TSHR: variants seen among roughly 807,000 people sequenced by gnomAD.
The protein encoded by TSHR is thyroid stimulating hormone receptor, also known as thyrotropin receptor.
TSHR carries 51 observed loss-of-function variants against 64.1 expected under a neutral mutation model. The observed-to-expected ratio is 0.80, with a 90% CI of 0.64 to 1.01. The LOEUF is 1.01. Ranked by LOEUF, TSHR falls within the 50% of genes least tolerant of loss-of-function variation. The pLI is 0.00. For synonymous variants in TSHR, 361 were observed against 361.9 expected (o/e 1.00, Z 0.03); for missense variants, 877 against 942.8 (o/e 0.93, Z 0.91).
At chr14:81,121,532 A>C (rs1380556000) in intron 8 of TSHR, among the ~76,000 whole-genome samples, 2 of 152,230 alleles carry the variant, frequency 1.3e-5, no homozygotes, top group Non-Finnish European at 2.9e-5. Context: ...CAACACAGGA[A>C]AGAAGCAAAT....
intron 3 of TSHR, among the ~76,000 whole-genome samples, chr14:81,071,003 T>C (rs1235184642): frequency 6.6e-6 from 1 of 152,188 alleles, no homozygotes; most frequent in Non-Finnish European, 1.5e-5. Context: ...GAACCTTGAC[T>C]GCACAAAATG....
chr14:81,013,235 A>G (rs1890015274), intron 1 of TSHR: 2 of 152,182 alleles, frequency 1.3e-5, no homozygotes, highest in African/African-American at 4.8e-5. Context: ...CAGGTTTGTC[A>G]AAGATCAGAT....
chr14:81,073,949 T>C (rs996687443), intron 3 of TSHR, among the ~76,000 whole-genome samples: 17 of 152,248 alleles, frequency 1.1e-4, no homozygotes, highest in African/African-American at 4.1e-4. Flanking sequence ...TCACCAAAAA[T>C]AAAAGCAATT....
In TSHR at chr14:81,096,923, G is replaced by GGTGTGTGTGT. The variant is rs147149121; in HGVS notation, c.614+237_614+246dup. Among the ~76,000 whole-genome samples the GGTGTGTGTGT allele has an allele frequency of 1.4e-3, 214 of 148,516 alleles. 1 individual carries two copies. Among genetic ancestry groups the GGTGTGTGTGT allele is most frequent in the African/African-American group, 4.4e-3 (176 of 40,240 alleles). On this transcript the variant is annotated intron_variant, in intron 7 of 9. Transcript: ENST00000298171. ...GGTAAGTTCCAAAGCTTTTCTCCCT[G>GGTGTGTGTGT]GTGTGTGTGTGTGTGTGTGTGTGTG...
chr14:81,094,332 G>A (rs1365544656), intron 6 of TSHR: 1 of 152,142 alleles, frequency 6.6e-6, no homozygotes, highest in Non-Finnish European at 1.5e-5. Context: ...TATCTGAAAT[G>A]CAATTCAAAC....
At chr14:80,991,849 C>T (rs570787356) in intron 1 of TSHR, 8 of 346,134 alleles carry the variant, frequency 2.3e-5, no homozygotes, top group African/African-American at 1.5e-4. Flanking sequence ...TAAAGTGATT[C>T]GGTCATACAT....
At chr14:81,133,678 T>G (rs544670077) in intron 8 of TSHR, among the ~76,000 whole-genome samples, 1 of 152,286 alleles carries the variant, frequency 6.6e-6, no homozygotes, top group East Asian at 1.9e-4. Context: ...AAGCAAAGTC[T>G]GCCAACAGAA....
At chr14:81,032,896 C>G in intron 1 of TSHR, 1 of 358,632 alleles carries the variant, frequency 2.8e-6, no homozygotes, top group South Asian at 2.8e-5. Flanking sequence ...CTAGAAAGGC[C>G]TGGACGAAAG....
intron 1 of TSHR, among the ~76,000 whole-genome samples, chr14:80,976,442 C>T (rs1280813260): frequency 6.6e-6 from 1 of 152,118 alleles, no homozygotes; most frequent in African/African-American, 2.4e-5. Flanking sequence ...TTTTAAATTC[C>T]CCCTCAGCTT....
intron 3 of TSHR, among the ~76,000 whole-genome samples, chr14:81,080,911 A>G (rs1887854281): frequency 6.6e-6 from 1 of 152,208 alleles, no homozygotes; most frequent in Non-Finnish European, 1.5e-5. Flanking sequence ...AAGAAAATAG[A>G]GTAGTGAAAA....
At chr14:81,073,021 A>AAAT (rs1566794433) in intron 3 of TSHR, among the ~76,000 whole-genome samples, 12 of 48,576 alleles carry the variant, frequency 2.5e-4, no homozygotes, top group South Asian at 1.7e-3. Flanking sequence ...ATAAAAAATA[A>AAAT]ATATATATAT....
Position 81,143,258 on chromosome 14 carries a change from C to T in TSHR, c.1200C>T (p.Pro400=). ...CGDSEDMVCT[P]KSDEFNPCED... ...ACAGTGAAGACATGGTGTGTACCCC[C>T]AAGTCCGATGAGTTCAACCCGTGTG... Residue 400 remains proline (P), a synonymous_variant, in exon 10 of 10, where the codon CCC becomes CCT. Transcript: ENST00000298171. 1.2e-6 allele frequency: 2 copies of T among 1,614,196 alleles called. No individual in the cohort carries two copies. The highest frequency in any genetic ancestry group is 4.5e-5 in the East Asian group (2 of 44,876).
intron 4 of TSHR, among the ~76,000 whole-genome samples, chr14:81,089,144 T>C (rs58664276): frequency 2.1e-5 from 2 of 96,986 alleles, no homozygotes; most frequent in African/African-American, 1.4e-4. Flanking sequence ...TGCACCACCA[T>C]GCCCAGCTAA....
At chr14:81,062,048 A>C in intron 1 of TSHR, 100 bp from the exon 2 acceptor site, 1 of 1,073,514 alleles carries the variant, frequency 9.3e-7, no homozygotes, top group Non-Finnish European at 1.4e-6. Context: ...CATATTGTGA[A>C]AACTGTCATG....
At chr14:81,024,034 G>A (rs531231845) in intron 1 of TSHR, among the ~76,000 whole-genome samples, 1 of 152,164 alleles carries the variant, frequency 6.6e-6, no homozygotes, top group Admixed American at 6.5e-5. Context: ...AATGGTGCCT[G>A]GGAACTCATC....
At chr14:81,131,235 G>A (rs1175914696) in intron 8 of TSHR, among the ~76,000 whole-genome samples, 4 of 152,070 alleles carry the variant, frequency 2.6e-5, no homozygotes, top group African/African-American at 7.2e-5. Context: ...CCATCCATCA[G>A]AAAGTCCCAA....
intron 1 of TSHR, among the ~76,000 whole-genome samples, chr14:81,047,962 T>C (rs573308469): frequency 6.6e-6 from 1 of 152,294 alleles, no homozygotes; most frequent in South Asian, 2.1e-4. Flanking sequence ...TTGGCTTTTA[T>C]ATAGAAGTAT....
At chr14:81,017,451 G>C (rs996479752) in intron 1 of TSHR, among the ~76,000 whole-genome samples, 8 of 152,068 alleles carry the variant, frequency 5.3e-5, no homozygotes, top group African/African-American at 1.9e-4. Flanking sequence ...AGAAAAACTT[G>C]ACCCACTTCA....
chr14:80,973,933 G>A (rs1044163871), intron 1 of TSHR, among the ~76,000 whole-genome samples: 3 of 152,174 alleles, frequency 2.0e-5, no homozygotes, highest in Non-Finnish European at 2.9e-5. Flanking sequence ...CAGAAGAGGT[G>A]TGGTATAATT....
Sources: gnomAD v4.1 joint callset for allele counts (sites outside exome capture counted in the v4.1 genomes callset) on GRCh38, gnomAD v4.1.1 for gene constraint, MANE v1.5 for transcripts, NCBI Gene and HGNC (gene_info 2026-07-23, HGNC 2026-07-21) for gene names.